OGFOD3: variants seen among roughly 807,000 people sequenced by gnomAD.
OGFOD3 encodes the protein 2-oxoglutarate and iron-dependent oxygenase domain-containing protein 3.
A neutral mutation model predicts 39.8 loss-of-function variants in OGFOD3; 35 were observed. The ratio of observed to expected loss-of-function variants is 0.88; its 90% CI spans 0.67 to 1.17. The LOEUF is 1.17. Ranked by LOEUF, OGFOD3 falls within the 50% of genes most tolerant of loss-of-function variation. The pLI is 0.00. For missense variants in OGFOD3, 438 were observed against 454.5 expected (o/e 0.96, Z 0.33); for synonymous variants, 200 against 192.0 (o/e 1.04, Z -0.34).
intron 2 of OGFOD3, 26 bp from the exon 3 acceptor site, chr17:82,411,556 C>T (rs773998291): frequency 6.2e-6 from 10 of 1,608,978 alleles, no homozygotes; most frequent in South Asian, 1.1e-5. Context: ...CAGGGTGAGA[C>T]GCAGTTTCCA....
Position 82,404,010 on chromosome 17 carries a change from G to A in OGFOD3, c.626C>T (p.Thr209Ile), listed in dbSNP as rs1289773991. 2.5e-6 allele frequency: 4 copies of A among 1,611,260 alleles called. No homozygotes were observed. In the African/African-American group the frequency reaches 4.0e-5, roughly 16 times the overall value. The change falls in exon 7 of 9, where the codon ACC becomes ATC. Residue 209 changes from threonine (T) to isoleucine (I), a missense_variant. By Grantham distance (89) the Thr-to-Ile change is moderately conservative. Transcript: ENST00000313056. The surrounding 1 kb of genome is among the most constrained non-coding windows in gnomAD (Gnocchi z 4.5). ...SASSLHLTKP[T>I]FFSRINSTEA... ...CGTGCTGTTTATGCGGGAGAAGAAGGTGGGCTTGGTCAGATGCAGCGAGGA... is the reference window on the plus strand; with the variant it reads ...CGTGCTGTTTATGCGGGAGAAGAAGATGGGCTTGGTCAGATGCAGCGAGGA...
chr17:82,409,890 G>A (rs1160135299), intron 3 of OGFOD3, among the ~76,000 whole-genome samples: 1 of 151,496 alleles, frequency 6.6e-6, no homozygotes, highest in Non-Finnish European at 1.5e-5. Context: ...GCAAGACTCT[G>A]TCAAGAAAGA....
intron 3 of OGFOD3, among the ~76,000 whole-genome samples, chr17:82,410,143 C>T (rs1485825489): frequency 6.6e-6 from 1 of 152,178 alleles, no homozygotes; most frequent in Non-Finnish European, 1.5e-5. Context: ...TGTGCTGGAC[C>T]ACAGAGGACC....
intron 2 of OGFOD3, among the ~76,000 whole-genome samples, chr17:82,412,055 G>A (rs1338523152): frequency 4.5e-5 from 3 of 66,990 alleles, no homozygotes; most frequent in African/African-American, 1.4e-4. Context: ...GACCACTGGC[G>A]CAGAAAACCC....
rs186017487 is a variant in OGFOD3 at position 82,395,911 on chromosome 17, T to C, written c.823+2285A>G. ...CAACATCAAATCACAGGTAAACACA[T>C]AGATACAATTAGATGTATGACATCA... is the stretch of plus-strand genomic sequence containing the variant. On this transcript the variant is annotated intron_variant, in intron 8 of 8. Transcript: ENST00000313056. 8.4e-4 allele frequency among the ~76,000 whole-genome samples: 127 copies of C among 152,052 alleles called. No individual in the cohort carries two copies. In the Middle Eastern group the frequency reaches 0.014, roughly 16 times the overall value.
chr17:82,392,203 A>G lies in OGFOD3; in HGVS notation c.*195T>C. The G allele has an allele frequency of 4.5e-6, 3 of 672,376 alleles. No individual in the cohort carries two copies. Among genetic ancestry groups the G allele is most frequent in the Non-Finnish European group, 4.9e-6 (2 of 404,934 alleles). 41.7% of individuals were successfully genotyped at this position (672,376 alleles called of 1,614,324 possible). The stretch of plus-strand genomic sequence containing the variant: ...TCCCAGGCCTACAGCCCAAGCACAC[A>G]TGATGCTGGAGAAGTGAAAAGCTGG... On this transcript the variant is annotated 3_prime_UTR_variant, in exon 9 of 9. Coordinates refer to ENST00000313056, the MANE Select transcript of OGFOD3 (RefSeq NM_024648.3). The surrounding 1 kb of genome is among the most constrained non-coding windows in gnomAD (Gnocchi z 4.2).
intron 1 of OGFOD3, chr17:82,418,192 G>A (rs1438564724): frequency 2.4e-6 from 1 of 409,444 alleles, no homozygotes; most frequent in African/African-American, 2.1e-5. Context: ...TCTGGGATAG[G>A]TGGGCCTCTG....
intron 1 of OGFOD3, among the ~76,000 whole-genome samples, chr17:82,417,618 C>CAAAAAAA (rs11413297): frequency 3.9e-5 from 5 of 127,612 alleles, no homozygotes; most frequent in African/African-American, 1.2e-4. Context: ...GCCTCTGTCT[C>CAAAAAAA]AAAAAAAAAA....
rs756128096 is a variant in OGFOD3 at position 82,411,469 on chromosome 17, C to G, written c.366G>C (p.Ala122=). 6.2e-7 allele frequency: 1 copy of G among 1,614,154 alleles called. No individual in the cohort carries two copies. Among genetic ancestry groups the G allele is most frequent in the Non-Finnish European group, 8.5e-7 (1 of 1,180,008 alleles). The change falls in exon 3 of 9, where the codon GCG becomes GCC. Residue 122 remains alanine, a synonymous_variant. Transcript: ENST00000313056. ...CAGGCGGTTACCTGCGAATCCGCTC[C>G]GCTTCCTCCCTGGTGATGACGACAT... ...VTDVVITREE[A]ERIRSVAEKG...
chr17:82,394,233 G>T, intron 8 of OGFOD3: 1 of 886,660 alleles, frequency 1.1e-6, no homozygotes, highest in Non-Finnish European at 1.7e-6. Flanking sequence ...CTCATGACCC[G>T]CCCGTCTTGG....
chr17:82,397,213 C>T (rs2052686499), intron 8 of OGFOD3, among the ~76,000 whole-genome samples: 1 of 151,998 alleles, frequency 6.6e-6, no homozygotes, highest in South Asian at 2.1e-4. Context: ...TGAAAGAAGT[C>T]CTGACTGTCA....
Position 82,403,991 on chromosome 17 carries a change from G to A in OGFOD3, c.645C>T (p.Asn215=), listed in dbSNP as rs1228819017. The change falls in exon 7 of 9, where the codon AAC becomes AAT. Residue 215 remains asparagine (N), a synonymous_variant. Transcript: ENST00000313056. ...CGTGCGCCGTCCGCGCTTCCGTGCT[G>A]TTTATGCGGGAGAAGAAGGTGGGCT... ...LTKPTFFSRI[N]STEARTAHDE... 3.1e-6 allele frequency: 5 copies of A among 1,610,796 alleles called. No homozygotes were observed. Among genetic ancestry groups the A allele is most frequent in the Non-Finnish European group, 4.2e-6 (5 of 1,178,856 alleles).
At position 82,404,232 on chromosome 17, in the gene OGFOD3, C is replaced by G; in HGVS notation, c.546-142G>C. ...CGGGGGCTCCCAAGCACACCGGGAA[C>G]AGATACCGGCTCCGCCTGGGAACGA... On this transcript the variant is annotated intron_variant, in intron 6 of 8. Coordinates refer to ENST00000313056, the MANE Select transcript of OGFOD3 (RefSeq NM_024648.3). This position sits in a 1 kb window ranked among gnomAD's most constrained non-coding sequence, Gnocchi z 4.5. The G allele has an allele frequency of 1.1e-6, 1 of 938,290 alleles. No individual in the cohort carries two copies. The highest frequency in any genetic ancestry group is 1.5e-6 in the Non-Finnish European group (1 of 647,200). 58.1% of individuals were successfully genotyped at this position (938,290 alleles called of 1,614,324 possible). A position where few individuals can be genotyped will look rare whatever the true frequency, so the allele number is the denominator to read the frequency against.
intron 3 of OGFOD3, among the ~76,000 whole-genome samples, chr17:82,411,154 C>T (rs892531311): frequency 2.6e-5 from 4 of 151,362 alleles, no homozygotes; most frequent in Non-Finnish European, 5.9e-5. Context: ...TCCAGCGATT[C>T]TCCTGCCTCA....
intron 7 of OGFOD3, among the ~76,000 whole-genome samples, chr17:82,402,905 G>A (rs1250477822): frequency 6.6e-6 from 1 of 152,066 alleles, no homozygotes; most frequent in Non-Finnish European, 1.5e-5. Flanking sequence ...ATAGAAAAAC[G>A]AGCCAGGCGT....
intron 7 of OGFOD3, 182 bp downstream of exon 7, chr17:82,403,755 A>C: frequency 1.3e-6 from 1 of 782,108 alleles, no homozygotes; most frequent in Non-Finnish European, 2.1e-6. Flanking sequence ...CACCCTGTCC[A>C]CATGCGCGCT....
rs568827648 is a variant in OGFOD3, at chr17:82,415,717, C to T, written c.75-90G>A. ...TCATCAAAGTGCATGCACCATGACC[C>T]GGCCTTCACTCACACGTCACCCCTG... is the stretch of plus-strand genomic sequence containing the variant. On this transcript the variant is annotated intron_variant, in intron 1 of 8. Coordinates refer to ENST00000313056, the MANE Select transcript of OGFOD3 (RefSeq NM_024648.3). The surrounding 1 kb of genome is among the most constrained non-coding windows in gnomAD (Gnocchi z 5.3). 6.6e-5 allele frequency: 77 copies of T among 1,172,494 alleles called. No individual in the cohort carries two copies. Among genetic ancestry groups the T allele is most frequent in the African/African-American group, 3.5e-4 (23 of 65,360 alleles). The allele number at this position is 1,172,494 out of a possible 1,614,324, so 72.6% of individuals were successfully genotyped here.
intron 2 of OGFOD3, among the ~76,000 whole-genome samples, chr17:82,414,727 G>C (rs1455721971): frequency 6.6e-6 from 1 of 152,124 alleles, no homozygotes; most frequent in Non-Finnish European, 1.5e-5. Flanking sequence ...GCAAAGCATT[G>C]AATTGAATTT....
chr17:82,413,541 T>A (rs941356420), intron 2 of OGFOD3, among the ~76,000 whole-genome samples: 1 of 152,128 alleles, frequency 6.6e-6, no homozygotes, highest in Non-Finnish European at 1.5e-5. Context: ...ATCTTTTAAA[T>A]TTCCAAGTAA....
Sources: allele counts gnomAD v4.1 joint callset (sites outside exome capture counted in the v4.1 genomes callset), GRCh38; gene constraint gnomAD v4.1.1; non-coding constraint Gnocchi (gnomAD v3.1); transcripts MANE v1.5; gene names NCBI Gene and HGNC (gene_info 2026-07-23, HGNC 2026-07-21).